The following LPP variants were observed in gnomAD, a reference collection of about 807,000 sequenced individuals.
The protein encoded by LPP is lipoma-preferred partner.
LPP carries 38 observed loss-of-function variants against 60.4 expected under a neutral mutation model. That is an observed-to-expected ratio of 0.63 (90% CI 0.49 to 0.83). The LOEUF (loss-of-function observed/expected upper bound fraction) is 0.83. Ranked by LOEUF, LPP falls within the 40% of genes least tolerant of loss-of-function variation. LPP has a pLI of 0.00. For missense variants in LPP, 902 were observed against 783.6 expected (o/e 1.15, Z -1.80); for synonymous variants, 328 against 290.8 (o/e 1.13, Z -1.30).
At chr3:188,740,880 A>G (rs1182363446) in intron 8 of LPP, among the ~76,000 whole-genome samples, 1 of 152,022 alleles carries the variant, frequency 6.6e-6, no homozygotes, top group African/African-American at 2.4e-5. Context: ...AAAATGTGAA[A>G]TATCTTTGCT....
intron 8 of LPP, among the ~76,000 whole-genome samples, chr3:188,728,818 T>A (rs1719361529): frequency 6.6e-6 from 1 of 152,030 alleles, no homozygotes; most frequent in Admixed American, 6.6e-5. Flanking sequence ...GCAGAGCCTA[T>A]GATATGTCCA....
chr3:188,157,103 G>A (rs1469375402), intron 1 of LPP, among the ~76,000 whole-genome samples: 1 of 152,100 alleles, frequency 6.6e-6, no homozygotes, highest in Non-Finnish European at 1.5e-5. Context: ...AGTTGGTAAT[G>A]GCACATCTTA....
At chr3:188,560,701 A>G (rs914616147) in intron 6 of LPP, among the ~76,000 whole-genome samples, 25 of 152,086 alleles carry the variant, frequency 1.6e-4, no homozygotes, top group African/African-American at 6.0e-4. Flanking sequence ...TTTTTATGGA[A>G]TTCAAAGTCT....
At chr3:188,608,489 G>A (rs945373744) in intron 6 of LPP, among the ~76,000 whole-genome samples, 5 of 129,090 alleles carry the variant, frequency 3.9e-5, no homozygotes, top group South Asian at 3.0e-4. Context: ...CTGTATACAC[G>A]TGGATATATT....
intron 2 of LPP, among the ~76,000 whole-genome samples, chr3:188,269,849 T>C (rs904317626): frequency 2.0e-5 from 3 of 152,178 alleles, no homozygotes; most frequent in African/African-American, 7.2e-5. Context: ...GGTTTCACCA[T>C]GTTGGCCAGG....
chr3:188,251,697 C>T (rs921266011), intron 2 of LPP, among the ~76,000 whole-genome samples: 1 of 151,832 alleles, frequency 6.6e-6, no homozygotes, highest in Non-Finnish European at 1.5e-5. Context: ...TTAACCCTGC[C>T]CAAGACTGAG....
intron 1 of LPP, among the ~76,000 whole-genome samples, chr3:188,183,810 CA>C (rs1222967650): frequency 6.6e-6 from 1 of 152,042 alleles, no homozygotes; most frequent in Non-Finnish European, 1.5e-5. Context: ...GATGTGAACC[CA>C]GTTCTGCTTG....
At chr3:188,525,474 G>A (rs576397915) in intron 6 of LPP, among the ~76,000 whole-genome samples, 1 of 152,230 alleles carries the variant, frequency 6.6e-6, no homozygotes, top group African/African-American at 2.4e-5. Flanking sequence ...TGTCTATATG[G>A]ATATTTTGTT....
Position 188,884,766 on chromosome 3 carries a change from A to G in LPP, c.*10287A>G, listed in dbSNP as rs1450355397. The G allele has an allele frequency of 4.4e-6, 1 of 226,164 alleles. No individual in the cohort carries two copies. Among genetic ancestry groups the G allele is most frequent in the African/African-American group, 2.2e-5 (1 of 44,936 alleles). The allele number at this position is 226,164 out of a possible 1,614,324, so 14.0% of individuals were successfully genotyped here. The stretch of plus-strand genomic sequence containing the variant: ...ACAGAGGCAGAAACCGCCGTAGGTT[A>G]GCAATGCATTTTAGTCTTTCTCTCC... On this transcript the variant is annotated 3_prime_UTR_variant, in exon 12 of 12. Transcript: ENST00000617246.
chr3:188,344,464 T>TA (rs1358538027), intron 3 of LPP, among the ~76,000 whole-genome samples: 3 of 152,216 alleles, frequency 2.0e-5, no homozygotes, highest in African/African-American at 7.2e-5. Context: ...GTCACCTGGC[T>TA]GTGTCACCTA....
intron 2 of LPP, among the ~76,000 whole-genome samples, chr3:188,306,090 A>AT (rs1200518225): frequency 2.0e-5 from 3 of 150,616 alleles, no homozygotes; most frequent in South Asian, 2.1e-4. Flanking sequence ...CTTTTCTTTT[A>AT]TTTTTTTTGA....
chr3:188,563,713 CTTGTGTTTTTTT>C (rs1030438330), intron 6 of LPP, among the ~76,000 whole-genome samples: 26 of 122,676 alleles, frequency 2.1e-4, no homozygotes, highest in Admixed American at 4.1e-4. Context: ...ATTGGAATTG[CTTGTGTTTTTTT>C]TTGTTTTTTT....
chr3:188,526,499 C>G (rs896821906), intron 6 of LPP, among the ~76,000 whole-genome samples: 2 of 152,116 alleles, frequency 1.3e-5, no homozygotes, highest in Non-Finnish European at 2.9e-5. Flanking sequence ...CCATGTTGGC[C>G]AGGCTTCTCT....
chr3:188,651,485 A>G (rs1480578993), intron 7 of LPP, among the ~76,000 whole-genome samples: 2 of 152,230 alleles, frequency 1.3e-5, no homozygotes, highest in South Asian at 4.1e-4. Context: ...CTTCAACTCT[A>G]TCTTGAAATA....
chr3:188,228,398 G>A (rs1386285385), intron 2 of LPP, among the ~76,000 whole-genome samples: 1 of 152,184 alleles, frequency 6.6e-6, no homozygotes, highest in Non-Finnish European at 1.5e-5. Context: ...CCCAAAGGGT[G>A]TTCTATCGGG....
intron 4 of LPP, among the ~76,000 whole-genome samples, chr3:188,425,914 G>A (rs556425331): frequency 7.2e-5 from 11 of 151,998 alleles, no homozygotes; most frequent in South Asian, 6.2e-4. Flanking sequence ...TGGATTCATC[G>A]ATTGTTTTGA....
intron 9 of LPP, among the ~76,000 whole-genome samples, chr3:188,845,146 G>T (rs1761091066): frequency 6.6e-6 from 1 of 152,162 alleles, no homozygotes; most frequent in African/African-American, 2.4e-5. Context: ...AATTGAGATT[G>T]GATTCAGGAA....
At chr3:188,622,282 C>T (rs1845945989) in intron 7 of LPP, among the ~76,000 whole-genome samples, 1 of 152,136 alleles carries the variant, frequency 6.6e-6, no homozygotes, top group African/African-American at 2.4e-5. Flanking sequence ...CAAGTTATAG[C>T]TGTGCCTTGA....
intron 1 of LPP, among the ~76,000 whole-genome samples, chr3:188,176,173 C>A (rs1374319139): frequency 6.6e-6 from 1 of 152,070 alleles, no homozygotes; most frequent in African/African-American, 2.4e-5. Flanking sequence ...GTTTACTGGG[C>A]CCCGTCTCAG....
Sources: allele counts gnomAD v4.1 joint callset (sites outside exome capture counted in the v4.1 genomes callset), GRCh38; gene constraint gnomAD v4.1.1; transcripts MANE v1.5; gene names NCBI Gene and HGNC (gene_info 2026-07-23, HGNC 2026-07-21).